The following FOXP1 variants were observed in gnomAD, a reference collection of about 807,000 sequenced individuals.
FOXP1 encodes forkhead box protein P1.
Under a neutral mutation model 98.2 loss-of-function variants are expected in FOXP1, and 15 were observed. That is an observed-to-expected ratio of 0.15 (90% CI 0.10 to 0.24). The LOEUF (loss-of-function observed/expected upper bound fraction) is 0.24, where lower values mean the gene tolerates loss of function less well. Ranked by LOEUF, FOXP1 falls within the 10% of genes least tolerant of loss-of-function variation. The pLI is 1.00. For synonymous variants in FOXP1, 371 were observed against 314.5 expected (o/e 1.18, Z -1.90); for missense variants, 633 against 848.5 (o/e 0.75, Z 3.15).
intron 3 of FOXP1, among the ~76,000 whole-genome samples, chr3:71,392,928 G>A (rs1201824230): frequency 6.6e-6 from 1 of 152,162 alleles, no homozygotes; most frequent in Non-Finnish European, 1.5e-5. Flanking sequence ...TGAAAAAAGT[G>A]AGAAAATTCC....
At chr3:71,035,710 A>C (rs2047485525) in intron 11 of FOXP1, among the ~76,000 whole-genome samples, 1 of 152,222 alleles carries the variant, frequency 6.6e-6, no homozygotes, top group Non-Finnish European at 1.5e-5. Context: ...AAAGATTTAA[A>C]ATAACTAGCT....
intron 2 of FOXP1, chr3:71,567,838 G>A (rs2047021183): frequency 6.6e-6 from 1 of 151,838 alleles, no homozygotes; most frequent in South Asian, 2.1e-4. Context: ...AGGCCCTGCA[G>A]GCCTCTTCCA....
At chr3:71,290,780 G>A (rs1327981047) in intron 5 of FOXP1, among the ~76,000 whole-genome samples, 1 of 152,062 alleles carries the variant, frequency 6.6e-6, no homozygotes, top group Non-Finnish European at 1.5e-5. Context: ...AACACTCAAA[G>A]GAAATGCTCA....
intron 5 of FOXP1, among the ~76,000 whole-genome samples, chr3:71,215,897 C>T (rs769755245): frequency 1.3e-5 from 2 of 152,140 alleles, no homozygotes; most frequent in Non-Finnish European, 1.5e-5. Context: ...TTTAAAGCCT[C>T]GAAATCTAAA....
chr3:71,155,641 A>G (rs948365804), intron 6 of FOXP1, among the ~76,000 whole-genome samples: 1 of 152,338 alleles, frequency 6.6e-6, no homozygotes, highest in East Asian at 1.9e-4. Context: ...TGAAAGCAAC[A>G]TCTAAGTTTT....
intron 6 of FOXP1, among the ~76,000 whole-genome samples, chr3:71,152,916 A>G (rs146251205): frequency 6.6e-6 from 1 of 152,276 alleles, no homozygotes; most frequent in African/African-American, 2.4e-5. Flanking sequence ...ATTCTGACGC[A>G]CTTACAGAGT....
intron 5 of FOXP1, among the ~76,000 whole-genome samples, chr3:71,214,037 A>C (rs2064718254): frequency 6.6e-6 from 1 of 152,306 alleles, no homozygotes; most frequent in African/African-American, 2.4e-5. Flanking sequence ...ACAGTTAGCA[A>C]GGATTGAACT....
intron 5 of FOXP1, among the ~76,000 whole-genome samples, chr3:71,249,146 T>TAG (rs1326859824): frequency 6.6e-6 from 1 of 152,212 alleles, no homozygotes; most frequent in Non-Finnish European, 1.5e-5. Flanking sequence ...CCAGAGGCCA[T>TAG]AGGCAAGCTA....
At chr3:71,039,779 A>G (rs2048092852) in intron 11 of FOXP1, among the ~76,000 whole-genome samples, 1 of 151,614 alleles carries the variant, frequency 6.6e-6, no homozygotes, top group African/African-American at 2.4e-5. Flanking sequence ...AAAAGAAGAC[A>G]TCATAAGAGA....
chr3:71,487,312 G>A (rs1164891614), intron 3 of FOXP1, among the ~76,000 whole-genome samples: 1 of 152,160 alleles, frequency 6.6e-6, no homozygotes, highest in Non-Finnish European at 1.5e-5. Flanking sequence ...CTCCCACCTT[G>A]GCTTCCCAGT....
At position 71,551,736 on chromosome 3, in the gene FOXP1, A is replaced by C. The variant is rs73837400; in HGVS notation, c.-298+29813T>G. ...TGCCACATAGGTGGGAGTGGTTATA[A>C]CTGTGATACAACAAAACTGCCTCAG... On this transcript the variant is annotated intron_variant, in intron 2 of 20. Coordinates refer to ENST00000649528, the MANE Select transcript of FOXP1 (RefSeq NM_001349338.3). Among the ~76,000 whole-genome samples the C allele has an allele frequency of 1.6e-3, 239 of 152,362 alleles. 1 individual carries two copies. Among genetic ancestry groups the C allele is most frequent in the African/African-American group, 5.6e-3 (231 of 41,586 alleles).
chr3:70,999,176 A>C (rs933824822), intron 13 of FOXP1, among the ~76,000 whole-genome samples: 1 of 151,680 alleles, frequency 6.6e-6, no homozygotes, highest in Non-Finnish European at 1.5e-5. Flanking sequence ...TGCAACCTCT[A>C]CCTCCCGGGT....
At chr3:71,013,973 T>C (rs1193415436) in intron 12 of FOXP1, among the ~76,000 whole-genome samples, 1 of 152,174 alleles carries the variant, frequency 6.6e-6, no homozygotes, top group Non-Finnish European at 1.5e-5. Flanking sequence ...CTGGATCCCT[T>C]CCTTACACCT....
At chr3:71,160,563 T>C (rs140630815) in intron 6 of FOXP1, among the ~76,000 whole-genome samples, 44 of 152,280 alleles carry the variant, frequency 2.9e-4, no homozygotes, top group African/African-American at 9.6e-4. Flanking sequence ...CTACCCCAAA[T>C]GGTAGCAACT....
In FOXP1 at chr3:71,399,419, ATCTCCCACCATACATTT is replaced by A. The variant is rs550490447; in HGVS notation, c.-167-40192_-167-40176del. ...AGTATAAAATACCCTTTATTCCACC[ATCTCCCACCATACATTT>A]TAGAAACAAGAAATTCAAGCAAGTT... is the stretch of plus-strand genomic sequence containing the variant. On this transcript the variant is annotated intron_variant, in intron 3 of 20. Coordinates refer to ENST00000649528, the MANE Select transcript of FOXP1 (RefSeq NM_001349338.3). Among the ~76,000 whole-genome samples, 376 of 152,322 alleles carry A rather than the reference ATCTCCCACCATACATTT, an allele frequency of 2.5e-3. 2 individuals carry two copies. Among genetic ancestry groups the A allele is most frequent in the African/African-American group, 8.8e-3 (364 of 41,570 alleles).
chr3:71,190,849 C>T (rs1031114188), intron 6 of FOXP1, among the ~76,000 whole-genome samples: 3 of 151,974 alleles, frequency 2.0e-5, no homozygotes, highest in Non-Finnish European at 4.4e-5. Flanking sequence ...TCAAATCAAA[C>T]ACAGTATTTA....
At chr3:71,233,497 G>A (rs2066506822) in intron 5 of FOXP1, among the ~76,000 whole-genome samples, 2 of 151,740 alleles carry the variant, frequency 1.3e-5, no homozygotes, top group South Asian at 4.2e-4. Context: ...CGCGATCTCA[G>A]CTCACTGCAA....
At chr3:71,412,900 T>C (rs1276812074) in intron 3 of FOXP1, among the ~76,000 whole-genome samples, 4 of 152,184 alleles carry the variant, frequency 2.6e-5, no homozygotes, top group Non-Finnish European at 5.9e-5. Context: ...CTGCTTAATA[T>C]AGGCTAACCG....
At chr3:71,144,751 T>C (rs1248349638) in intron 6 of FOXP1, among the ~76,000 whole-genome samples, 2 of 152,078 alleles carry the variant, frequency 1.3e-5, no homozygotes, top group African/African-American at 4.8e-5. Context: ...CTCACATGCA[T>C]GGATGTGTAT....
Sources: allele counts gnomAD v4.1 joint callset (sites outside exome capture counted in the v4.1 genomes callset), GRCh38; gene constraint gnomAD v4.1.1; transcripts MANE v1.5; gene names NCBI Gene and HGNC (gene_info 2026-07-23, HGNC 2026-07-21).